VPS13A: variants seen among roughly 807,000 people sequenced by gnomAD.
The protein encoded by VPS13A is intermembrane lipid transfer protein VPS13A.
In VPS13A, 264 loss-of-function variants were observed where a neutral mutation model predicts 390.9. That is an observed-to-expected ratio of 0.68 (90% CI 0.61 to 0.75). The LOEUF (loss-of-function observed/expected upper bound fraction) is 0.75. Ranked by LOEUF, VPS13A falls within the 30% of genes least tolerant of loss-of-function variation. VPS13A has a pLI of 0.00. For missense variants in VPS13A, 3,409 were observed against 3,733.9 expected (o/e 0.91, Z 2.27); for synonymous variants, 1,231 against 1,227.1 (o/e 1.00, Z -0.07).
intron 54 of VPS13A, 51 bp downstream of exon 54, chr9:77,353,692 TAAG>T: frequency 6.8e-7 from 1 of 1,477,444 alleles, no homozygotes; most frequent in African/African-American, 1.4e-5. Context: ...TTCTAATTGT[TAAG>T]AAATTGTTAT....
At chr9:77,352,434 A>G (rs1383124286) in intron 53 of VPS13A, among the ~76,000 whole-genome samples, 1 of 151,824 alleles carries the variant, frequency 6.6e-6, no homozygotes, top group Non-Finnish European at 1.5e-5. Flanking sequence ...TATTGTTTAC[A>G]TTGTATTTAA....
At chr9:77,238,445 TTATG>T (rs1234462988) in intron 19 of VPS13A, 59 bp downstream of exon 19, 11 of 1,248,134 alleles carry the variant, frequency 8.8e-6, no homozygotes, top group Admixed American at 3.5e-5. Flanking sequence ...AAACTTTTAT[TTATG>T]GTAGAATGTT....
intron 1 of VPS13A, among the ~76,000 whole-genome samples, chr9:77,189,366 G>A (rs951093303): frequency 6.6e-6 from 1 of 152,032 alleles, no homozygotes; most frequent in East Asian, 1.9e-4. Flanking sequence ...TGAATAGGGA[G>A]TCCTTTTCCC....
intron 20 of VPS13A, among the ~76,000 whole-genome samples, chr9:77,247,803 T>C (rs1343438097): frequency 6.6e-6 from 1 of 152,066 alleles, no homozygotes; most frequent in Non-Finnish European, 1.5e-5. Flanking sequence ...TGGGATTACA[T>C]GTGCCCGCCA....
intron 61 of VPS13A, among the ~76,000 whole-genome samples, chr9:77,367,715 C>A (rs931571592): frequency 6.6e-6 from 1 of 152,154 alleles, no homozygotes; most frequent in Non-Finnish European, 1.5e-5. Flanking sequence ...CAGACATTTT[C>A]TATGTGGGCC....
chr9:77,245,303 T>C (rs553131042), intron 19 of VPS13A, among the ~76,000 whole-genome samples: 1 of 152,318 alleles, frequency 6.6e-6, no homozygotes, highest in East Asian at 1.9e-4. Context: ...GCCAGAATAC[T>C]TGAGGAATCC....
At chr9:77,250,397 C>A (rs1004269100) in intron 21 of VPS13A, among the ~76,000 whole-genome samples, 168 bp downstream of exon 21, 1 of 152,198 alleles carries the variant, frequency 6.6e-6, no homozygotes, top group East Asian at 1.9e-4. Flanking sequence ...GTCTTGCCCC[C>A]CCAAGAGACA....
intron 31 of VPS13A, among the ~76,000 whole-genome samples, chr9:77,290,080 C>T (rs1225718287): frequency 6.6e-6 from 1 of 152,148 alleles, no homozygotes; most frequent in African/African-American, 2.4e-5. Context: ...CCGCATCTGG[C>T]ACTTTCTCAT....
chr9:77,266,098 G>A (rs1242977640), intron 23 of VPS13A, among the ~76,000 whole-genome samples: 3 of 152,156 alleles, frequency 2.0e-5, no homozygotes, highest in Non-Finnish European at 2.9e-5. Flanking sequence ...GTAGTTGTGC[G>A]GTTTTGAGTG....
Position 77,317,703 on chromosome 9 carries a change from A to G in VPS13A, c.4956+5A>G, listed in dbSNP as rs761154574. The G allele has an allele frequency of 6.4e-7, 1 of 1,574,474 alleles. No homozygotes were observed. Among genetic ancestry groups the G allele is most frequent in the East Asian group, 2.3e-5 (1 of 43,640 alleles). ...GTAAAATCCCTGACACTAAAGGTAA[A>G]TTAAAATATAATCATTTGAATATTT... On this transcript the variant is annotated splice_donor_5th_base_variant and intron_variant, in intron 40 of 71. Transcript: ENST00000360280.
chr9:77,383,518 A>G (rs1440957571), intron 68 of VPS13A, among the ~76,000 whole-genome samples: 2 of 152,062 alleles, frequency 1.3e-5, no homozygotes, highest in Non-Finnish European at 2.9e-5. Context: ...TTACTAGACT[A>G]AAAATCAAAT....
At chr9:77,341,802 C>A (rs1024718657) in intron 50 of VPS13A, among the ~76,000 whole-genome samples, 4 of 138,268 alleles carry the variant, frequency 2.9e-5, no homozygotes, top group African/African-American at 8.1e-5. Context: ...GAAATTTCAC[C>A]TTTTTTCAAG....
chr9:77,400,854 T>C (rs1025249752), intron 68 of VPS13A, among the ~76,000 whole-genome samples: 1 of 150,258 alleles, frequency 6.7e-6, no homozygotes, highest in African/African-American at 2.5e-5. Flanking sequence ...GTTATTAAAA[T>C]GTTACTTTTT....
chr9:77,319,484 T>C, intron 41 of VPS13A, 88 bp from the exon 42 acceptor site: 1 of 905,178 alleles, frequency 1.1e-6, no homozygotes, highest in Non-Finnish European at 1.8e-6. Flanking sequence ...TGTAGACTGG[T>C]TTTTATATAG....
Position 77,319,572 on chromosome 9 carries a change from G to T in VPS13A, c.5314G>T (p.Val1772Leu), listed in dbSNP as rs576058371. 6.3e-7 allele frequency: 1 copy of T among 1,577,056 alleles called. No individual in the cohort carries two copies. Among genetic ancestry groups the T allele is most frequent in the African/African-American group, 1.3e-5 (1 of 74,266 alleles). Residue 1772 changes from valine (V) to leucine (L), a missense_variant and splice_region_variant, in exon 42 of 72, where the codon GTG becomes TTG. This residue lies in a region of VPS13A where 2,717 missense variants were observed against 2,917.4 expected (regional missense o/e 0.93). Transcript: ENST00000360280. ...INLHCQLELE[V>L]HYYNEMFGVW... The stretch of plus-strand genomic sequence containing the variant: ...TTAATTTAAAAAATTCTCTCTGTAG[G>T]TGCATTATTATAATGAAATGTTTGG...
At chr9:77,384,514 T>C in intron 68 of VPS13A, 1 of 1,591,832 alleles carries the variant, frequency 6.3e-7, no homozygotes, top group Non-Finnish European at 8.6e-7. Context: ...TTCATAATCT[T>C]ACATGTTTTC....
intron 61 of VPS13A, among the ~76,000 whole-genome samples, chr9:77,367,454 C>G (rs189362740): frequency 3.7e-4 from 57 of 152,162 alleles, no homozygotes; most frequent in African/African-American, 1.1e-3. Flanking sequence ...AAGTCCAACA[C>G]GAGGTAACAC....
intron 23 of VPS13A, among the ~76,000 whole-genome samples, chr9:77,262,252 C>G (rs1374705921): frequency 1.3e-5 from 2 of 150,960 alleles, no homozygotes; most frequent in African/African-American, 4.9e-5. Flanking sequence ...TTTTTTCCTT[C>G]ATGATTTCTG....
intron 17 of VPS13A, among the ~76,000 whole-genome samples, chr9:77,235,299 G>C (rs1026733435): frequency 5.9e-5 from 9 of 152,062 alleles, no homozygotes; most frequent in Non-Finnish European, 8.8e-5. Flanking sequence ...CATTTTAGAA[G>C]GATAGTTTTG....
Sources: gnomAD v4.1 joint callset for allele counts (sites outside exome capture counted in the v4.1 genomes callset) on GRCh38, gnomAD v4.1.1 for gene constraint, gnomAD v4.1.1 regional missense constraint, MANE v1.5 for transcripts, NCBI Gene and HGNC (gene_info 2026-07-23, HGNC 2026-07-21) for gene names.